The following DLG2 variants were observed in gnomAD, a reference collection of about 807,000 sequenced individuals.
The protein encoded by DLG2 is discs large MAGUK scaffold protein 2.
DLG2 carries 45 observed loss-of-function variants against 132.5 expected under a neutral mutation model. The ratio of observed to expected loss-of-function variants is 0.34; its 90% CI spans 0.27 to 0.44. The LOEUF (loss-of-function observed/expected upper bound fraction) is 0.44, where lower values mean the gene tolerates loss of function less well. Ranked by LOEUF, DLG2 falls within the 20% of genes least tolerant of loss-of-function variation. DLG2 has a pLI of 1.00. For missense variants in DLG2, 1,045 were observed against 1,196.9 expected (o/e 0.87, Z 1.87); for synonymous variants, 424 against 419.6 (o/e 1.01, Z -0.13).
intron 19 of DLG2, among the ~76,000 whole-genome samples, chr11:83,597,988 G>T (rs148361039): frequency 3.8e-4 from 58 of 152,294 alleles, no homozygotes; most frequent in African/African-American, 1.3e-3. Flanking sequence ...ACAATTAAGT[G>T]GCTTGTTTAG....
At chr11:84,488,444 G>A (rs180949469) in intron 7 of DLG2, among the ~76,000 whole-genome samples, 12 of 152,230 alleles carry the variant, frequency 7.9e-5, no homozygotes, top group African/African-American at 2.6e-4. Context: ...TTTGCCAACT[G>A]AGCCAAGTTA....
At chr11:85,513,404 G>A (rs1156478129) in intron 3 of DLG2, among the ~76,000 whole-genome samples, 1 of 151,892 alleles carries the variant, frequency 6.6e-6, no homozygotes, top group Admixed American at 6.6e-5. Context: ...TAAACATTAT[G>A]GATTTTAAAA....
intron 6 of DLG2, among the ~76,000 whole-genome samples, chr11:84,647,059 A>G (rs1010048561): frequency 2.0e-5 from 3 of 152,102 alleles, no homozygotes; most frequent in Admixed American, 6.6e-5. Flanking sequence ...CATTTATAAC[A>G]TATATAATAC....
At chr11:83,994,538 A>G (rs1200451953) in intron 11 of DLG2, among the ~76,000 whole-genome samples, 1 of 152,104 alleles carries the variant, frequency 6.6e-6, no homozygotes, top group Non-Finnish European at 1.5e-5. Flanking sequence ...CCCAGCTTCA[A>G]AACTAGTTTT....
chr11:85,533,210 G>C (rs1287000888), intron 3 of DLG2, among the ~76,000 whole-genome samples: 2 of 151,980 alleles, frequency 1.3e-5, no homozygotes, highest in African/African-American at 2.4e-5. Context: ...TTTTAGTAGA[G>C]ATGGGGTTTC....
rs2099218214 is a variant in DLG2 at position 84,502,334 on chromosome 11, CTTT to C, written c.519+32233_519+32235del. ...TCTTTCTTTCTTTCTTTCTTTCTTTCTTTCTTTCTTTCTTTCTTTCTTTCTTTC... is the reference window on the plus strand; with the variant it reads ...TCTTTCTTTCTTTCTTTCTTTCTTTCCTTTCTTTCTTTCTTTCTTTCTTTC... On this transcript the variant is annotated intron_variant, in intron 7 of 27. Transcript: ENST00000376104. Among the ~76,000 whole-genome samples, 16 of 25,692 alleles carry C rather than the reference CTTT, an allele frequency of 6.2e-4. 1 individual carries two copies. The highest frequency in any genetic ancestry group is 5.0e-3 in the South Asian group (4 of 798). The allele number at this position is 25,692 out of a possible 152,430, so 16.9% of individuals were successfully genotyped here.
intron 6 of DLG2, among the ~76,000 whole-genome samples, chr11:84,670,788 C>T (rs958342480): frequency 1.3e-5 from 2 of 151,986 alleles, no homozygotes; most frequent in African/African-American, 4.8e-5. Context: ...TCCATCATAT[C>T]GCTCCCACCC....
At chr11:85,176,850 T>C (rs777342010) in intron 4 of DLG2, among the ~76,000 whole-genome samples, 1 of 151,930 alleles carries the variant, frequency 6.6e-6, no homozygotes, top group Non-Finnish European at 1.5e-5. Context: ...AACAAATATA[T>C]GAAAAAAAGC....
At chr11:84,158,285 G>T (rs1238261811) in intron 9 of DLG2, among the ~76,000 whole-genome samples, 1 of 152,010 alleles carries the variant, frequency 6.6e-6, no homozygotes, top group Non-Finnish European at 1.5e-5. Context: ...GGATGGTCTC[G>T]ATCTCCTGAC....
At chr11:83,769,776 G>A (rs2094307133) in intron 18 of DLG2, among the ~76,000 whole-genome samples, 1 of 151,930 alleles carries the variant, frequency 6.6e-6, no homozygotes, top group Non-Finnish European at 1.5e-5. Context: ...TGTTGGCCAG[G>A]CTGGTCTTGA....
intron 6 of DLG2, among the ~76,000 whole-genome samples, chr11:85,053,751 G>A (rs2063146935): frequency 6.9e-6 from 1 of 145,514 alleles, no homozygotes; most frequent in Admixed American, 7.0e-5. Flanking sequence ...GAACCGAGAT[G>A]GTGCCACTGC....
chr11:85,616,712 G>C (rs2081362783), intron 2 of DLG2, among the ~76,000 whole-genome samples: 1 of 152,132 alleles, frequency 6.6e-6, no homozygotes, highest in South Asian at 2.1e-4. Flanking sequence ...AATTTTCCCA[G>C]CTGAAGAAAA....
intron 4 of DLG2, among the ~76,000 whole-genome samples, chr11:85,222,106 C>T (rs1256165523): frequency 6.6e-6 from 1 of 151,784 alleles, no homozygotes; most frequent in African/African-American, 2.4e-5. Context: ...ACCGAGCTAA[C>T]ATTTCGGTTT....
chr11:83,968,225 G>T (rs1388026178), intron 12 of DLG2, among the ~76,000 whole-genome samples: 1 of 152,040 alleles, frequency 6.6e-6, no homozygotes, highest in African/African-American at 2.4e-5. Context: ...TTATTATTTT[G>T]CTCCATGTTG....
chr11:84,349,299 A>G lies in DLG2; in HGVS notation c.520-98008T>C, dbSNP rs12419871. On this transcript the variant is annotated intron_variant, in intron 7 of 27. Transcript: ENST00000376104. ...TTCCCAAAGGCATGGTGTCTAAAGC[A>G]GGATGTACTATGGCCACCCCCTGCC... 4.8e-3 allele frequency among the ~76,000 whole-genome samples: 732 copies of G among 152,296 alleles called. 22 individuals carry two copies. The East Asian group carries it at 0.074, about 15-fold the overall frequency.
chr11:84,953,420 A>C (rs1373511436), intron 6 of DLG2, among the ~76,000 whole-genome samples: 3 of 152,184 alleles, frequency 2.0e-5, no homozygotes, highest in Non-Finnish European at 4.4e-5. Context: ...TTACCTGGCC[A>C]GCTACTTCCC....
chr11:83,493,198 T>C (rs1279148407), intron 21 of DLG2, among the ~76,000 whole-genome samples: 1 of 152,062 alleles, frequency 6.6e-6, no homozygotes, highest in Non-Finnish European at 1.5e-5. Flanking sequence ...TGTAATCTTC[T>C]TCCCTTAGAA....
At position 84,319,193 on chromosome 11, in the gene DLG2, TTC is replaced by T. The variant is rs1000464995; in HGVS notation, c.520-67904_520-67903del. ...CAGTGACGAAAAGGGAGAAAATTAT[TTC>T]TCTCTCTCTCTCTTTCCCTCCCTCC... On this transcript the variant is annotated intron_variant, in intron 7 of 27. Transcript: ENST00000376104. Among the ~76,000 whole-genome samples the T allele has an allele frequency of 6.8e-3, 1,033 of 151,078 alleles. 13 individuals carry two copies. The highest frequency in any genetic ancestry group is 0.024 in the African/African-American group (981 of 41,330).
chr11:83,840,589 G>C (rs1254944926), intron 16 of DLG2, among the ~76,000 whole-genome samples: 2 of 152,196 alleles, frequency 1.3e-5, no homozygotes, highest in African/African-American at 2.4e-5. Flanking sequence ...ATCGCTCCAA[G>C]CAGGAATGTC....
Sources: gnomAD v4.1 joint callset for allele counts (sites outside exome capture counted in the v4.1 genomes callset) on GRCh38, gnomAD v4.1.1 for gene constraint, MANE v1.5 for transcripts, NCBI Gene and HGNC (gene_info 2026-07-23, HGNC 2026-07-21) for gene names.